GALNT1: variants seen among roughly 807,000 people sequenced by gnomAD.
GALNT1 encodes polypeptide N-acetylgalactosaminyltransferase 1.
Under a neutral mutation model 65.7 loss-of-function variants are expected in GALNT1, and 17 were observed. That is an observed-to-expected ratio of 0.26 (90% CI 0.18 to 0.39). GALNT1 has a LOEUF of 0.39. Ranked by LOEUF, GALNT1 falls within the 10% of genes least tolerant of loss-of-function variation. The pLI, the probability that GALNT1 is intolerant of heterozygous loss-of-function variation, is 1.00. For synonymous variants in GALNT1, 210 were observed against 219.7 expected (o/e 0.96, Z 0.39); for missense variants, 460 against 672.8 (o/e 0.68, Z 3.50).
At chr18:35,634,959 C>T (rs1555646560) in intron 1 of GALNT1, among the ~76,000 whole-genome samples, 1 of 152,122 alleles carries the variant, frequency 6.6e-6, no homozygotes, top group African/African-American at 2.4e-5. Flanking sequence ...TATCATTCAG[C>T]TTTTGACAAG....
At chr18:35,677,095 T>C (rs1305438584) in intron 3 of GALNT1, among the ~76,000 whole-genome samples, 2 of 152,184 alleles carry the variant, frequency 1.3e-5, no homozygotes, top group Non-Finnish European at 2.9e-5. Context: ...TTCTCATCTG[T>C]GAAATGTGGC....
At chr18:35,612,189 A>G (rs2046726222) in intron 1 of GALNT1, among the ~76,000 whole-genome samples, 1 of 152,220 alleles carries the variant, frequency 6.6e-6, no homozygotes, top group African/African-American at 2.4e-5. Flanking sequence ...TTGGATTTAA[A>G]TATTTTTAAG....
intron 11 of GALNT1, among the ~76,000 whole-genome samples, chr18:35,707,583 T>C (rs3786387): frequency 0.11 from 16,610 of 152,282 alleles, 1,158 homozygotes; most frequent in African/African-American, 0.2. Flanking sequence ...TGATGTCGAA[T>C]AGTTAAATAC....
intron 1 of GALNT1, among the ~76,000 whole-genome samples, chr18:35,613,884 A>AC (rs1831949552): frequency 6.6e-6 from 1 of 152,004 alleles, no homozygotes. Context: ...GGGAAAAAAA[A>AC]ACAACCAAGC....
intron 3 of GALNT1, among the ~76,000 whole-genome samples, chr18:35,674,978 G>T (rs985896988): frequency 3.6e-5 from 3 of 83,900 alleles, no homozygotes; most frequent in Admixed American, 2.0e-4. Context: ...GCGAGACTCC[G>T]TCTCAAAAAA....
At chr18:35,644,305 T>C (rs2047202574) in intron 1 of GALNT1, among the ~76,000 whole-genome samples, 1 of 152,250 alleles carries the variant, frequency 6.6e-6, no homozygotes, top group Non-Finnish European at 1.5e-5. Context: ...TTGGTTCTCC[T>C]TTTTCTTTGG....
chr18:35,622,501 C>T (rs952909784), intron 1 of GALNT1, among the ~76,000 whole-genome samples: 1 of 152,122 alleles, frequency 6.6e-6, no homozygotes, highest in East Asian at 1.9e-4. Flanking sequence ...ATACTCTTTG[C>T]CTCAGCCTCC....
At chr18:35,613,032 C>T (rs1444209590) in intron 1 of GALNT1, among the ~76,000 whole-genome samples, 1 of 152,146 alleles carries the variant, frequency 6.6e-6, no homozygotes, top group African/African-American at 2.4e-5. Context: ...GATCGCAGCT[C>T]CTCTCCACCA....
chr18:35,640,562 A>G (rs187408258), intron 1 of GALNT1, among the ~76,000 whole-genome samples: 2 of 152,356 alleles, frequency 1.3e-5, no homozygotes, highest in East Asian at 1.9e-4. Context: ...AATCATGACA[A>G]CTTTTATTTT....
chr18:35,591,907 G>C (rs1443683398), intron 1 of GALNT1: 1 of 154,284 alleles, frequency 6.5e-6, no homozygotes, highest in Non-Finnish European at 1.5e-5. Context: ...ATTTGTAAGG[G>C]GTGTCACCAT....
chr18:35,631,875 C>G (rs1329791132), intron 1 of GALNT1, among the ~76,000 whole-genome samples: 1 of 152,186 alleles, frequency 6.6e-6, no homozygotes, highest in Non-Finnish European at 1.5e-5. Context: ...TATACAAAAT[C>G]AATGTGCAAA....
chr18:35,612,365 T>C (rs760857500), intron 1 of GALNT1, among the ~76,000 whole-genome samples: 4 of 152,260 alleles, frequency 2.6e-5, no homozygotes, highest in Non-Finnish European at 4.4e-5. Context: ...ATAGTGATAC[T>C]AATTAAATTC....
chr18:35,628,028 C>G (rs1044001707), intron 1 of GALNT1, among the ~76,000 whole-genome samples: 1 of 152,162 alleles, frequency 6.6e-6, no homozygotes, highest in African/African-American at 2.4e-5. Context: ...GGGAGGGGCA[C>G]CCGCCATTGC....
At chr18:35,628,732 G>A (rs562419259) in intron 1 of GALNT1, among the ~76,000 whole-genome samples, 1 of 152,258 alleles carries the variant, frequency 6.6e-6, no homozygotes, top group African/African-American at 2.4e-5. Flanking sequence ...ACTTTGACGA[G>A]TTGAGTGAAG....
rs1274881891 is a variant in GALNT1, at chr18:35,624,626, C to T, written c.-103-29934C>T. Among the ~76,000 whole-genome samples the T allele has an allele frequency of 2.0e-5, 3 of 152,084 alleles. No individual in the cohort carries two copies. In the South Asian group the frequency reaches 6.2e-4, roughly 32 times the overall value. On this transcript the variant is annotated intron_variant, in intron 1 of 11. Coordinates refer to ENST00000269195, the MANE Select transcript of GALNT1 (RefSeq NM_020474.4). ...TGTGGTTTCTCTATTATTTTAAATT[C>T]CTTTCTCATTTTATTTTAAAGTGAT...
At chr18:35,689,068 G>C in intron 6 of GALNT1, 105 bp from the exon 7 acceptor site, 1 of 764,024 alleles carries the variant, frequency 1.3e-6, no homozygotes, top group Non-Finnish European at 2.3e-6. Context: ...GTGAGAATAA[G>C]TACTTACTCA....
intron 1 of GALNT1, among the ~76,000 whole-genome samples, chr18:35,601,200 CCTTT>C (rs1211287772): frequency 2.0e-5 from 3 of 151,790 alleles, no homozygotes; most frequent in Non-Finnish European, 4.4e-5. Flanking sequence ...GGAATTTATC[CCTTT>C]CTTCTAGGTT....
At chr18:35,682,076 C>G (rs2047795015) in intron 4 of GALNT1, among the ~76,000 whole-genome samples, 2 of 152,128 alleles carry the variant, frequency 1.3e-5, no homozygotes, top group African/African-American at 4.8e-5. Flanking sequence ...TGGCACTACC[C>G]TTACCTTTTT....
chr18:35,653,942 T>C (rs1019167261), intron 1 of GALNT1, among the ~76,000 whole-genome samples: 1 of 152,206 alleles, frequency 6.6e-6, no homozygotes, highest in Non-Finnish European at 1.5e-5. Context: ...TGGTGACTGT[T>C]GCAGTTTTAG....
Sources: gnomAD v4.1 joint callset for allele counts (sites outside exome capture counted in the v4.1 genomes callset) on GRCh38, gnomAD v4.1.1 for gene constraint, MANE v1.5 for transcripts, NCBI Gene and HGNC (gene_info 2026-07-23, HGNC 2026-07-21) for gene names.